TUB: variants seen among roughly 807,000 people sequenced by gnomAD.
TUB encodes the protein tubby protein homolog.
Under a neutral mutation model 59.7 loss-of-function variants are expected in TUB, and 33 were observed. The observed-to-expected ratio is 0.55, with a 90% CI of 0.42 to 0.74. The LOEUF (loss-of-function observed/expected upper bound fraction) is 0.74, where lower values mean the gene tolerates loss of function less well. Among genes scored for constraint, TUB ranks in the 30% least tolerant of loss-of-function variants. The pLI is 0.00. For missense variants in TUB, 659 were observed against 672.0 expected, an observed-to-expected ratio of 0.98 and a Z score of 0.21; for synonymous variants, 293 against 256.4, an observed-to-expected ratio of 1.14 and a Z score of -1.36.
In TUB at chr11:8,040,698, T is replaced by C. The variant is rs75475025; in HGVS notation, c.203+1006T>C. ...TCACTTGAGCCTACTTCACAGGCTCTTGGGAAGGAGCAGTAGGAGGAGGAG... is the reference window on the plus strand; with the variant it reads ...TCACTTGAGCCTACTTCACAGGCTCCTGGGAAGGAGCAGTAGGAGGAGGAG... On this transcript the variant is annotated intron_variant, in intron 2 of 12. Transcript: ENST00000305253. 2.9e-3 allele frequency among the ~76,000 whole-genome samples: 445 copies of C among 152,250 alleles called. 1 individual carries two copies. Among genetic ancestry groups the C allele is most frequent in the African/African-American group, 0.01 (434 of 41,540 alleles).
chr11:8,055,925 C>T (rs1383997228), intron 2 of TUB, among the ~76,000 whole-genome samples: 1 of 152,190 alleles, frequency 6.6e-6, no homozygotes, highest in Non-Finnish European at 1.5e-5. Flanking sequence ...GGAGCCTGGG[C>T]TCAGCGTTCA....
In TUB at chr11:8,105,636, G is replaced by C. The variant is rs1402202580; in HGVS notation, c.*4017G>C. 6.6e-6 allele frequency: 1 copy of C among 152,116 alleles called. No individual in the cohort carries two copies. Among genetic ancestry groups the C allele is most frequent in the African/African-American group, 2.4e-5 (1 of 41,430 alleles). The allele number at this position is 152,116 out of a possible 1,614,324, so 9.4% of individuals were successfully genotyped here. ...AACCACAAGATAAAGATGTTACATT[G>C]TCAAAGCTTGCCGTAGGATTTGGGG... On this transcript the variant is annotated 3_prime_UTR_variant, in exon 12 of 12. Transcript: ENST00000299506.
chr11:8,080,571 C>G (rs76523607), upstream of TUB, among the ~76,000 whole-genome samples: 10 of 152,344 alleles, frequency 6.6e-5, no homozygotes, highest in East Asian at 1.9e-3. Context: ...TCTCAGCATT[C>G]CTATTCTCTG....
At chr11:8,088,401 C>T (rs1462167304) in intron 1 of TUB, among the ~76,000 whole-genome samples, 1 of 152,184 alleles carries the variant, frequency 6.6e-6, no homozygotes, top group East Asian at 1.9e-4. Context: ...ACTTTGTCCT[C>T]AGGGTGATGT....
intron 2 of TUB, among the ~76,000 whole-genome samples, chr11:8,061,067 C>T (rs1943116138): frequency 6.6e-6 from 1 of 152,218 alleles, no homozygotes; most frequent in Non-Finnish European, 1.5e-5. Flanking sequence ...CCTGTGTGGC[C>T]CTGGCCCTTC....
In TUB at chr11:8,106,069, G is replaced by GCTTTTATTGA. The variant is rs1944596700; in HGVS notation, c.*4456_*4465dup. On this transcript the variant is annotated 3_prime_UTR_variant, in exon 12 of 12. Coordinates refer to ENST00000299506, the MANE Select transcript of TUB (RefSeq NM_177972.3). ...GTTTTAGACAAATTTGCAAAACTGT[G>GCTTTTATTGA]CTTTTATTGACTTTTTGAATAAACT... 6.6e-6 allele frequency: 1 copy of GCTTTTATTGA among 152,148 alleles called. No homozygotes were observed. Among genetic ancestry groups the GCTTTTATTGA allele is most frequent in the Non-Finnish European group, 1.5e-5 (1 of 68,028 alleles). The allele number at this position is 152,148 out of a possible 1,614,324, so 9.4% of individuals were successfully genotyped here.
chr11:8,065,198 C>G (rs1589944720), intron 2 of TUB, among the ~76,000 whole-genome samples: 1 of 152,276 alleles, frequency 6.6e-6, no homozygotes, highest in East Asian at 1.9e-4. Flanking sequence ...AGGAAGTGTG[C>G]ATGTTGCTGG....
chr11:8,097,213 T>G lies in TUB; in HGVS notation c.688-15T>G, dbSNP rs1944036601. On this transcript the variant is annotated splice_polypyrimidine_tract_variant and intron_variant, in intron 6 of 11. Coordinates refer to ENST00000299506, the MANE Select transcript of TUB (RefSeq NM_177972.3). ...GGGTCCTTGGGGCTCAGGCACCTAT[T>G]CTGCATCCCCATAGGAGGCAGCCTC... 6.2e-7 allele frequency: 1 copy of G among 1,613,566 alleles called. No individual in the cohort carries two copies. The highest frequency in any genetic ancestry group is 2.2e-5 in the East Asian group (1 of 44,876).
At position 8,038,872 on chromosome 11, in the gene TUB, C is replaced by T. The variant is rs148667115; in HGVS notation, c.-2C>T. 80 of 1,613,642 alleles carry T rather than the reference C, an allele frequency of 5.0e-5. 1 individual carries two copies. The African/African-American group carries it at 7.6e-4, about 15-fold the overall frequency. ...TTAAACCCACTCCATCCTGTGGCCA[C>T]GATGGGGGCCAGGACACCTTTGCCT... On this transcript the variant is annotated 5_prime_UTR_variant, in exon 1 of 13. Transcript: ENST00000305253.
intron 2 of TUB, among the ~76,000 whole-genome samples, chr11:8,060,831 G>A (rs1943110234): frequency 6.6e-6 from 1 of 152,240 alleles, no homozygotes; most frequent in Admixed American, 6.5e-5. Context: ...AGCTGATGGA[G>A]TCTGAGGAAT....
intron 4 of TUB, 144 bp downstream of exon 4, chr11:8,094,333 C>G: frequency 8.8e-7 from 1 of 1,134,920 alleles, no homozygotes; most frequent in Non-Finnish European, 1.2e-6. Flanking sequence ...GGCACCCCCT[C>G]AGGTGGCTCA....
chr11:8,065,906 C>T (rs552176088), intron 2 of TUB, among the ~76,000 whole-genome samples: 2 of 152,368 alleles, frequency 1.3e-5, no homozygotes, highest in African/African-American at 2.4e-5. Flanking sequence ...AGGAGGTCCA[C>T]ACATACATGA....
At chr11:8,084,374 CT>C (rs1223280159) in intron 1 of TUB, among the ~76,000 whole-genome samples, 1 of 152,128 alleles carries the variant, frequency 6.6e-6, no homozygotes, top group Non-Finnish European at 1.5e-5. Context: ...ATGTTTTTGT[CT>C]TTTGTTTCTG....
At chr11:8,038,998 G>A in exon 1 of TUB, 1 of 1,613,764 alleles carries the variant, frequency 6.2e-7, no homozygotes, top group Admixed American at 1.7e-5. Context: ...AGGAAACCTG[G>A]GCCCCTGAAA....
chr11:8,092,673 G>A (rs544773838), intron 3 of TUB, among the ~76,000 whole-genome samples: 1 of 152,236 alleles, frequency 6.6e-6, no homozygotes, highest in South Asian at 2.1e-4. Context: ...TGATTTCTGG[G>A]AGGTGCCTAC....
At chr11:8,097,856 G>C (rs775763102) in intron 8 of TUB, 30 bp downstream of exon 8, 3 of 1,575,956 alleles carry the variant, frequency 1.9e-6, no homozygotes, top group Non-Finnish European at 2.6e-6. Flanking sequence ...AAGCAGGCGG[G>C]AGTGGGAGGG....
intron 9 of TUB, among the ~76,000 whole-genome samples, chr11:8,099,355 A>G (rs7481121): frequency 0.87 from 131,722 of 152,114 alleles, 57,477 homozygotes; most frequent in Non-Finnish European, 0.92. Context: ...ATATAAATAT[A>G]GGGGATTACT....
At chr11:8,053,935 G>A (rs1236572138) in intron 2 of TUB, among the ~76,000 whole-genome samples, 1 of 148,992 alleles carries the variant, frequency 6.7e-6, no homozygotes, top group East Asian at 2.1e-4. Context: ...CTAACACGGT[G>A]AAACCCCGTC....
chr11:8,053,713 G>C (rs566173072), intron 2 of TUB, among the ~76,000 whole-genome samples: 2 of 150,990 alleles, frequency 1.3e-5, no homozygotes, highest in Non-Finnish European at 3.0e-5. Flanking sequence ...GTGTTAGCCA[G>C]GATGGTCTCG....
Sources: gnomAD v4.1 joint callset for allele counts (sites outside exome capture counted in the v4.1 genomes callset) on GRCh38, gnomAD v4.1.1 for gene constraint, MANE v1.5 for transcripts, NCBI Gene and HGNC (gene_info 2026-07-23, HGNC 2026-07-21) for gene names.